Variants in E2F1 observed in about 807,000 individuals in gnomAD.
E2F1 encodes the protein transcription factor E2F1.
A neutral mutation model predicts 36.9 loss-of-function variants in E2F1; 7 were observed. The ratio of observed to expected loss-of-function variants is 0.19; its 90% CI spans 0.11 to 0.36. E2F1 has a LOEUF of 0.36. Ranked by LOEUF, E2F1 falls within the 10% of genes least tolerant of loss-of-function variation. The pLI is 1.00. For synonymous variants in E2F1, 261 were observed against 263.1 expected (o/e 0.99, Z 0.08); for missense variants, 406 against 573.6 (o/e 0.71, Z 2.99).
At chr20:33,677,755 G>A (rs368537456) in intron 4 of E2F1, among the ~76,000 whole-genome samples, 6 of 152,108 alleles carry the variant, frequency 3.9e-5, no homozygotes, top group African/African-American at 9.7e-5. Context: ...TACCGGGAAC[G>A]ATTCCATGTA....
Position 33,678,346 on chromosome 20 carries a change from G to A in E2F1, c.580C>T (p.His194Tyr), listed in dbSNP as rs770049550. 6.2e-7 allele frequency: 1 copy of A among 1,612,066 alleles called. No individual in the cohort carries two copies. Among genetic ancestry groups the A allele is most frequent in the South Asian group, 1.1e-5 (1 of 90,998 alleles). The change falls in exon 4 of 7, where the codon CAC (histidine) becomes TAC (tyrosine). Residue 194 changes from histidine (H) to tyrosine (Y), a missense_variant. Coordinates refer to ENST00000343380, the MANE Select transcript of E2F1 (RefSeq NM_005225.3). ...CGTCCGCCGACGCCCACTGTGGTGT[G>A]GCTGCCCCTGTGGGGAGGCACCAGG... ...SKNHIQWLGS[H>Y]TTVGVGGRLE...
Position 33,676,777 on chromosome 20 carries a change from GT to G in E2F1, c.1268del (p.Asp423AlafsTer70). The G allele has an allele frequency of 6.2e-7, 1 of 1,608,544 alleles. No homozygotes were observed. Among genetic ancestry groups the G allele is most frequent in the Non-Finnish European group, 8.5e-7 (1 of 1,177,444 alleles). On this transcript the variant is annotated frameshift_variant, in exon 7 of 7. Coordinates refer to ENST00000343380, the MANE Select transcript of E2F1 (RefSeq NM_005225.3). LOFTEE classifies it high-confidence loss of function. ...GGTCCCCAAAGTCACAGTCGAAGAG[GT>G]CTCTGATGCCCTCGCCCTCCTCGAG... ...FGLEEGEGIR[D>X]LFDCDFGDLT...
chr20:33,676,869 CGGA>C lies in E2F1; in HGVS notation c.1174_1176del (p.Ser392del), dbSNP rs747864159. 6.3e-7 allele frequency: 1 copy of C among 1,582,288 alleles called. No individual in the cohort carries two copies. Among genetic ancestry groups the C allele is most frequent in the Non-Finnish European group, 8.6e-7 (1 of 1,163,140 alleles). ...CTGATGAACTCCTCAGGGAGGAGGC[CGGA>C]GAAGTCCTCCCGCACATGCTCCAGG... On this transcript the variant is annotated inframe_deletion, in exon 7 of 7. Coordinates refer to ENST00000343380, the MANE Select transcript of E2F1 (RefSeq NM_005225.3).
intron 1 of E2F1, among the ~76,000 whole-genome samples, chr20:33,681,870 C>T (rs543555859): frequency 6.6e-6 from 1 of 152,240 alleles, no homozygotes; most frequent in East Asian, 1.9e-4. Flanking sequence ...TGCCGCCGCC[C>T]CTGCTTAAGG....
At chr20:33,685,926 G>A in intron 1 of E2F1, 78 bp downstream of exon 1, 7 of 1,061,146 alleles carry the variant, frequency 6.6e-6, no homozygotes, top group Non-Finnish European at 6.8e-6. Flanking sequence ...GCCGCCTCCA[G>A]GCCAAACACG....
At chr20:33,685,667 G>A (rs2018060832) in intron 1 of E2F1, among the ~76,000 whole-genome samples, 1 of 152,202 alleles carries the variant, frequency 6.6e-6, no homozygotes, top group South Asian at 2.1e-4. Context: ...GGGGTTGTGA[G>A]TTTTAGCTGG....
In E2F1 at chr20:33,676,340, A is replaced by C. The variant is rs1198137670; in HGVS notation, c.*392T>G. On this transcript the variant is annotated 3_prime_UTR_variant, in exon 7 of 7. Coordinates refer to ENST00000343380, the MANE Select transcript of E2F1 (RefSeq NM_005225.3). ...GGGACCCCCAGAGCAAAAGGGCCGAAAGTGCAGTTAGAGCCCCCCCACGCG... is the reference window on the plus strand; with the variant it reads ...GGGACCCCCAGAGCAAAAGGGCCGACAGTGCAGTTAGAGCCCCCCCACGCG... The C allele has an allele frequency of 1.2e-5, 2 of 166,964 alleles. No individual in the cohort carries two copies. Among genetic ancestry groups the C allele is most frequent in the Non-Finnish European group, 2.6e-5 (2 of 77,982 alleles). The allele number at this position is 166,964 out of a possible 1,614,324, so 10.3% of individuals were successfully genotyped here.
At position 33,679,876 on chromosome 20, in the gene E2F1, C is replaced by T. The variant is rs758127423; in HGVS notation, c.451G>A (p.Val151Ile). ...ACCTCGGCAGCCCAGTTCAGGTCGA[C>T]GACACCGTCAGCCGAGTGGCTCAGC... ...ELLSHSADGV[V>I]DLNWAAEVLK... Residue 151 changes from valine (V) to isoleucine (I), a missense_variant, in exon 3 of 7, where the codon GTC becomes ATC. Transcript: ENST00000343380. This position sits in a 1 kb window ranked among gnomAD's most constrained non-coding sequence, Gnocchi z 4.6. The T allele has an allele frequency of 6.8e-6, 11 of 1,614,130 alleles. No homozygotes were observed. The highest frequency in any genetic ancestry group is 2.7e-5 in the African/African-American group (2 of 74,946).
At chr20:33,684,248 G>T (rs909565645) in intron 1 of E2F1, among the ~76,000 whole-genome samples, 2 of 152,210 alleles carry the variant, frequency 1.3e-5, no homozygotes, top group Admixed American at 6.5e-5. Flanking sequence ...TTGAGGACAA[G>T]ACCCTCAGGT....
At chr20:33,677,629 T>C in intron 4 of E2F1, 89 bp from the exon 5 acceptor site, 1 of 985,320 alleles carries the variant, frequency 1.0e-6, no homozygotes, top group Middle Eastern at 2.4e-4. Flanking sequence ...ACCTGCCTAG[T>C]CACTCCTGTC....
chr20:33,680,812 T>C (rs989353197), intron 1 of E2F1, among the ~76,000 whole-genome samples: 8 of 152,164 alleles, frequency 5.3e-5, no homozygotes, highest in Non-Finnish European at 8.8e-5. Flanking sequence ...CCTTGCTCTG[T>C]ATTGGGTCAC....
rs759306871 is a variant in E2F1, at chr20:33,679,855, C to T, written c.472G>A (p.Glu158Lys). 3 of 1,614,224 alleles carry T rather than the reference C, an allele frequency of 1.9e-6. No homozygotes were observed. The highest frequency in any genetic ancestry group is 1.6e-4 in the Middle Eastern group (1 of 6,062). ...DGVVDLNWAA[E>K]VLKVQKRRIY... ...CGCCGCTTCTGCACCTTCAGCACCT[C>T]GGCAGCCCAGTTCAGGTCGACGACA... The change falls in exon 3 of 7, where the codon GAG becomes AAG. Residue 158 changes from glutamate (E) to lysine (K), a missense_variant. This residue lies in a region of E2F1 where 77 missense variants were observed against 131.7 expected (regional missense o/e 0.58). Transcript: ENST00000343380. This position sits in a 1 kb window ranked among gnomAD's most constrained non-coding sequence, Gnocchi z 4.6.
At chr20:33,685,339 G>A (rs1375965018) in intron 1 of E2F1, among the ~76,000 whole-genome samples, 1 of 152,044 alleles carries the variant, frequency 6.6e-6, no homozygotes, top group African/African-American at 2.4e-5. Context: ...TGCAGAGAAG[G>A]CCTCCCAGCC....
At chr20:33,677,595 A>G (rs1048697969) in intron 4 of E2F1, 55 bp from the exon 5 acceptor site, 120 of 1,391,696 alleles carry the variant, frequency 8.6e-5, no homozygotes, top group Middle Eastern at 3.7e-4. Context: ...CACTCACTCC[A>G]ACAGCTCACA....
chr20:33,676,840 A>C lies in E2F1; in HGVS notation c.1206T>G (p.Leu402=). 1 of 1,593,222 alleles carries C rather than the reference A, an allele frequency of 6.3e-7. No homozygotes were observed. Among genetic ancestry groups the C allele is most frequent in the Non-Finnish European group, 8.6e-7 (1 of 1,168,964 alleles). Residue 402 remains leucine, a synonymous_variant, in exon 7 of 7, where the codon CTT becomes CTG. Transcript: ENST00000343380. ...AGTCGAGGGCCTCGTGGGGTGGGGA[A>C]AGGCTGATGAACTCCTCAGGGAGGA... ...SGLLPEEFIS[L]SPPHEALDYH...
At position 33,676,760 on chromosome 20, in the gene E2F1, A is replaced by T. The variant is rs758107340; in HGVS notation, c.1286T>A (p.Phe429Tyr). 12 of 1,609,452 alleles carry T rather than the reference A, an allele frequency of 7.5e-6. No homozygotes were observed. In the South Asian group the frequency reaches 1.3e-4, roughly 18 times the overall value. The change falls in exon 7 of 7, where the codon TTT becomes TAT. Residue 429 changes from phenylalanine (F) to tyrosine (Y), a missense_variant. By Grantham distance (22) the Phe-to-Tyr change is conservative. Coordinates refer to ENST00000343380, the MANE Select transcript of E2F1 (RefSeq NM_005225.3). ...EGIRDLFDCD[F>Y]GDLTPLDF The stretch of plus-strand genomic sequence containing the variant: ...GAAATCCAGGGGGGTGAGGTCCCCA[A>T]AGTCACAGTCGAAGAGGTCTCTGAT...
intron 4 of E2F1, among the ~76,000 whole-genome samples, 196 bp from the exon 5 acceptor site, chr20:33,677,736 A>G (rs1230433840): frequency 6.6e-6 from 1 of 152,196 alleles, no homozygotes; most frequent in Admixed American, 6.5e-5. Context: ...ATCCCAAGGT[A>G]ATAATGGCTA....
chr20:33,678,279 C>T lies in E2F1; in HGVS notation c.647G>A (p.Ser216Asn), dbSNP rs764256438. 5.0e-6 allele frequency: 8 copies of T among 1,613,282 alleles called. No individual in the cohort carries two copies. The South Asian group carries it at 6.6e-5, about 13-fold the overall frequency. Residue 216 changes from serine to asparagine, a missense_variant, in exon 4 of 7, where the codon AGC (serine) becomes AAC (asparagine). Transcript: ENST00000343380. ...LTQDLRQLQE[S>N]EQQLDHLMNI... Reference sequence around the variant, plus strand: ...CATCAGGTGGTCCAGCTGCTGCTCGCTCTCCTGCAGCTGTCGGAGGTCCTG... The same window carrying T: ...CATCAGGTGGTCCAGCTGCTGCTCGTTCTCCTGCAGCTGTCGGAGGTCCTG...
chr20:33,685,720 G>A (rs913352470), intron 1 of E2F1, among the ~76,000 whole-genome samples: 1 of 152,226 alleles, frequency 6.6e-6, no homozygotes, highest in African/African-American at 2.4e-5. Flanking sequence ...AACGCCAGTT[G>A]AATACACGTG....
Sources: gnomAD v4.1 joint callset for allele counts (sites outside exome capture counted in the v4.1 genomes callset) on GRCh38, gnomAD v4.1.1 for gene constraint, gnomAD v4.1.1 regional missense constraint, Gnocchi (gnomAD v3.1) non-coding constraint, MANE v1.5 for transcripts, NCBI Gene and HGNC (gene_info 2026-07-23, HGNC 2026-07-21) for gene names.